Variants in SYT16 observed in about 807,000 individuals in gnomAD.
SYT16 encodes synaptotagmin 16, also known as synaptotagmin-16.
Under a neutral mutation model 61.4 loss-of-function variants are expected in SYT16, and 42 were observed. The ratio of observed to expected loss-of-function variants is 0.68; its 90% confidence interval spans 0.53 to 0.89. The LOEUF (loss-of-function observed/expected upper bound fraction) is 0.89, where lower values mean the gene tolerates loss of function less well. Among genes scored for constraint, SYT16 ranks in the 40% least tolerant of loss-of-function variants. The probability of loss-of-function intolerance (pLI) is 0.00; values close to 1 mark genes in which losing one functional copy is unlikely to be tolerated. For missense variants in SYT16, 804 were observed against 807.3 expected (o/e 1.00, Z 0.05); for synonymous variants, 314 against 302.3 (o/e 1.04, Z -0.40).
intron 1 of SYT16, among the ~76,000 whole-genome samples, chr14:61,923,962 A>G (rs2049437051): frequency 6.6e-6 from 1 of 152,216 alleles, no homozygotes; most frequent in African/African-American, 2.4e-5. Flanking sequence ...GCAGAAATGA[A>G]TAGTTTCCCT....
intron 1 of SYT16, among the ~76,000 whole-genome samples, chr14:61,877,557 T>A (rs2047543841): frequency 6.6e-6 from 1 of 152,202 alleles, no homozygotes; most frequent in Admixed American, 6.5e-5. Flanking sequence ...CCCAGGTAAT[T>A]AGAACTTAAA....
chr14:62,112,026 A>C lies in SYT16; in HGVS notation c.*11319A>C, dbSNP rs536972305. 171 of 152,222 alleles carry C rather than the reference A, an allele frequency of 1.1e-3. 1 individual carries two copies. Among genetic ancestry groups the C allele is most frequent in the African/African-American group, 4.0e-3 (166 of 41,564 alleles). The allele number at this position is 152,222 out of a possible 1,614,324, so 9.4% of individuals were successfully genotyped here. A position where few individuals can be genotyped will look rare whatever the true frequency, so the allele number is the denominator to read the frequency against. Reference sequence around the variant, plus strand: ...TTTGTGTATAGGAAAAGGTGTGGAAATTTTTTAATTGTTAAAAACTGGAAT... The same window carrying C: ...TTTGTGTATAGGAAAAGGTGTGGAACTTTTTTAATTGTTAAAAACTGGAAT... On this transcript the variant is annotated 3_prime_UTR_variant, in exon 8 of 8. Coordinates refer to ENST00000683842, the MANE Select transcript of SYT16 (RefSeq NM_001367656.1).
chr14:62,059,835 C>G (rs550735157), intron 3 of SYT16, among the ~76,000 whole-genome samples: 1 of 151,246 alleles, frequency 6.6e-6, no homozygotes, highest in South Asian at 2.1e-4. Context: ...TGTTTCTTTT[C>G]ACAAATAGAT....
chr14:61,904,326 G>A (rs2140364222), intron 1 of SYT16, among the ~76,000 whole-genome samples: 1 of 152,264 alleles, frequency 6.6e-6, no homozygotes, highest in East Asian at 1.9e-4. Context: ...GTGTGGGGTT[G>A]GCTTCTGCAT....
At chr14:61,961,171 A>C (rs969762810) in intron 1 of SYT16, among the ~76,000 whole-genome samples, 1 of 152,334 alleles carries the variant, frequency 6.6e-6, no homozygotes, top group East Asian at 1.9e-4. Context: ...AAACCCTGGA[A>C]GGTAACCTAG....
rs538807710 is a variant in SYT16 at position 61,838,984 on chromosome 14, C to G, written c.-325+26174C>G. ...TTTCCCCACCGGCCCCCCACCCCCC[C>G]GCCATGGTCTAAGCACTGTGCTGGG... On this transcript the variant is annotated intron_variant, in intron 1 of 7. Transcript: ENST00000683842. 5.9e-5 allele frequency among the ~76,000 whole-genome samples: 9 copies of G among 151,570 alleles called. No individual in the cohort carries two copies. In the East Asian group the frequency reaches 1.2e-3, roughly 20 times the overall value.
chr14:61,882,026 A>G (rs2047718918), intron 1 of SYT16, among the ~76,000 whole-genome samples: 1 of 152,150 alleles, frequency 6.6e-6, no homozygotes, highest in African/African-American at 2.4e-5. Flanking sequence ...CATTATATTG[A>G]ATTAATGAAA....
intron 3 of SYT16, among the ~76,000 whole-genome samples, chr14:62,000,882 A>T (rs1319646120): frequency 6.6e-6 from 1 of 152,100 alleles, no homozygotes; most frequent in East Asian, 1.9e-4. Flanking sequence ...TACATGCAAT[A>T]AACGTATAAT....
chr14:61,923,034 G>A (rs1255663079), intron 1 of SYT16, among the ~76,000 whole-genome samples: 2 of 145,954 alleles, frequency 1.4e-5, no homozygotes, highest in African/African-American at 2.5e-5. Flanking sequence ...GGTCAACAGG[G>A]CAAGACTCTG....
At chr14:61,931,884 CAAAGGCTCTGG>C (rs925838963) in intron 1 of SYT16, among the ~76,000 whole-genome samples, 3 of 152,174 alleles carry the variant, frequency 2.0e-5, no homozygotes, top group South Asian at 2.1e-4. Flanking sequence ...ATAACTGGGT[CAAAGGCTCTGG>C]AATGTTAATG....
intron 1 of SYT16, among the ~76,000 whole-genome samples, chr14:61,926,850 C>T (rs1708690446): frequency 6.6e-6 from 1 of 152,080 alleles, no homozygotes; most frequent in South Asian, 2.1e-4. Context: ...GTCCTTAGCT[C>T]CAGAGATAAA....
chr14:62,028,777 G>A (rs1008893049), intron 3 of SYT16, among the ~76,000 whole-genome samples: 1 of 151,898 alleles, frequency 6.6e-6, no homozygotes, highest in Non-Finnish European at 1.5e-5. Context: ...TTAAAAAAAA[G>A]TAAACCCCAT....
At chr14:62,036,700 A>G (rs1034934245) in intron 3 of SYT16, among the ~76,000 whole-genome samples, 1 of 152,124 alleles carries the variant, frequency 6.6e-6, no homozygotes, top group African/African-American at 2.4e-5. Flanking sequence ...TGTCCTTTAT[A>G]AAACTATCAG....
intron 1 of SYT16, among the ~76,000 whole-genome samples, chr14:61,961,551 C>G (rs903598563): frequency 2.6e-5 from 4 of 152,060 alleles, no homozygotes; most frequent in African/African-American, 4.8e-5. Context: ...AAATGCAAAT[C>G]AAAACCACAA....
chr14:62,005,867 A>G (rs2053201112), intron 3 of SYT16, among the ~76,000 whole-genome samples: 1 of 152,248 alleles, frequency 6.6e-6, no homozygotes, highest in East Asian at 1.9e-4. Context: ...AGAGGATGCA[A>G]AAATGTTTTT....
chr14:62,020,531 A>G (rs2053870676), intron 3 of SYT16, among the ~76,000 whole-genome samples: 1 of 152,064 alleles, frequency 6.6e-6, no homozygotes, highest in Non-Finnish European at 1.5e-5. Flanking sequence ...AGTTTTCCAC[A>G]TTTTCCAAGG....
At chr14:61,905,359 C>A (rs2048664563) in intron 1 of SYT16, among the ~76,000 whole-genome samples, 1 of 152,244 alleles carries the variant, frequency 6.6e-6, no homozygotes, top group Admixed American at 6.5e-5. Context: ...TAGGCTAGTG[C>A]AAAAGTAATT....
chr14:62,089,966 T>C (rs1216945815), intron 7 of SYT16, among the ~76,000 whole-genome samples: 2 of 152,244 alleles, frequency 1.3e-5, no homozygotes, highest in Non-Finnish European at 2.9e-5. Flanking sequence ...ACTTTGCAGC[T>C]CTATTCTGTT....
intron 1 of SYT16, among the ~76,000 whole-genome samples, chr14:61,818,229 G>T (rs111501526): frequency 0.045 from 6,921 of 152,150 alleles, 389 homozygotes; most frequent in African/African-American, 0.13. Flanking sequence ...ATTTCACCAG[G>T]CTTGTTGCAT....
Sources: gnomAD v4.1 joint callset for allele counts (sites outside exome capture counted in the v4.1 genomes callset) on GRCh38, gnomAD v4.1.1 for gene constraint, MANE v1.5 for transcripts, NCBI Gene and HGNC (gene_info 2026-07-23, HGNC 2026-07-21) for gene names.